Variants in CBR4 observed in about 807,000 individuals in gnomAD.
CBR4 encodes carbonyl reductase 4.
CBR4 carries 22 observed loss-of-function variants against 21.0 expected under a neutral mutation model. The ratio of observed to expected loss-of-function variants is 1.05; its 90% CI spans 0.75 to 1.50. The LOEUF (loss-of-function observed/expected upper bound fraction) is 1.50, where lower values mean the gene tolerates loss of function less well. CBR4 is among the 40% of genes most tolerant of loss of function. The pLI is 0.00. For synonymous variants in CBR4, 100 were observed against 104.4 expected, an observed-to-expected ratio of 0.96 and a Z score of 0.26; for missense variants, 302 against 286.3, an observed-to-expected ratio of 1.05 and a Z score of -0.40.
intron 4 of CBR4, among the ~76,000 whole-genome samples, chr4:168,996,827 C>T (rs902193948): frequency 2.0e-5 from 3 of 152,130 alleles, no homozygotes; most frequent in African/African-American, 7.2e-5. Context: ...TATGGAACTT[C>T]CATGTCATTT....
At chr4:168,992,324 G>A (rs1352199967) in intron 4 of CBR4, among the ~76,000 whole-genome samples, 1 of 152,188 alleles carries the variant, frequency 6.6e-6, no homozygotes, top group Non-Finnish European at 1.5e-5. Context: ...ACACATGGAT[G>A]TGATCACAAT....
intron 4 of CBR4, 26 bp from the exon 5 acceptor site, chr4:168,990,354 G>C (rs761197209): frequency 1.9e-6 from 3 of 1,551,254 alleles, no homozygotes; most frequent in Non-Finnish European, 2.6e-6. Flanking sequence ...TTGTTTAGTT[G>C]AAAAGGGTAC....
rs950004056 is a variant in CBR4 at position 168,987,736 on chromosome 4, C to T, written c.*2414G>A. 21 of 984,848 alleles carry T rather than the reference C, an allele frequency of 2.1e-5. No homozygotes were observed. The highest frequency in any genetic ancestry group is 6.0e-6 in the Non-Finnish European group (5 of 829,590). The allele number at this position is 984,848 out of a possible 1,614,324, so 61.0% of individuals were successfully genotyped here. A position where few individuals can be genotyped will look rare whatever the true frequency, so the allele number is the denominator to read the frequency against. ...TAAGGTACAACTCTTGAATATGCAG[C>T]GTAGTCTTCTCTCTTTATTCTGAAT... On this transcript the variant is annotated 3_prime_UTR_variant, in exon 5 of 5. Transcript: ENST00000306193.
chr4:168,934,282 CA>C (rs60538970), intron 2 of CBR4, among the ~76,000 whole-genome samples: 4 of 18,202 alleles, frequency 2.2e-4, no homozygotes, highest in Admixed American at 8.6e-4. Context: ...GCAAAAAAAA[CA>C]AAAAAAAAAA....
chr4:168,936,535 G>GA (rs1200924634), intron 2 of CBR4, among the ~76,000 whole-genome samples: 8 of 151,980 alleles, frequency 5.3e-5, no homozygotes, highest in South Asian at 4.1e-4. Context: ...TAAGAAGCTT[G>GA]AAAAAAGGTT....
chr4:168,930,247 T>C (rs1762934693), intron 2 of CBR4, among the ~76,000 whole-genome samples: 1 of 152,082 alleles, frequency 6.6e-6, no homozygotes, highest in Admixed American at 6.5e-5. Flanking sequence ...GAACATTATT[T>C]TGAGAAGGGA....
intron 1 of CBR4, among the ~76,000 whole-genome samples, chr4:169,008,528 T>C (rs1239038461): frequency 6.6e-6 from 1 of 152,092 alleles, no homozygotes; most frequent in Non-Finnish European, 1.5e-5. Flanking sequence ...ACACCAACAC[T>C]ACCCCATCAA....
rs114150784 is a variant in CBR4, at chr4:168,965,021, C to T, written n.169+37050G>A. ...ATATTTAGAAACCCCATCATCTCAG[C>T]CCCCAATCTCCTTAAGCTGACTTCA... On this transcript the variant is annotated intron_variant and non_coding_transcript_variant, in intron 2 of 3. Coordinates refer to the CBR4 transcript ENST00000509108. Among the ~76,000 whole-genome samples, 1,437 of 152,230 alleles carry T rather than the reference C, an allele frequency of 9.4e-3. 7 individuals are homozygous for T. The highest frequency in any genetic ancestry group is 0.016 in the Non-Finnish European group (1,066 of 68,006).
chr4:168,961,479 C>T (rs1278786379), intron 2 of CBR4, among the ~76,000 whole-genome samples: 1 of 151,944 alleles, frequency 6.6e-6, no homozygotes, highest in Non-Finnish European at 1.5e-5. Flanking sequence ...TGTGAAACCC[C>T]TAAAAATGTA....
At chr4:168,913,683 A>G (rs1759512449) in intron 2 of CBR4, among the ~76,000 whole-genome samples, 1 of 151,942 alleles carries the variant, frequency 6.6e-6, no homozygotes, top group African/African-American at 2.4e-5. Context: ...TAAAACAGTA[A>G]AGCTTATTTA....
intron 2 of CBR4, among the ~76,000 whole-genome samples, chr4:168,968,959 C>T (rs1764124859): frequency 6.6e-6 from 1 of 152,178 alleles, no homozygotes; most frequent in Non-Finnish European, 1.5e-5. Flanking sequence ...GGGAAAATGA[C>T]CACAGAGTAT....
chr4:169,008,629 C>CA (rs1731122412), intron 1 of CBR4, among the ~76,000 whole-genome samples: 1 of 152,174 alleles, frequency 6.6e-6, no homozygotes, highest in Admixed American at 6.5e-5. Context: ...ATGCAGGGCC[C>CA]AAAAGCATCC....
intron 3 of CBR4, chr4:169,005,289 G>A (rs1475566375): frequency 6.6e-6 from 1 of 152,184 alleles, no homozygotes; most frequent in Non-Finnish European, 1.5e-5. Context: ...CCTATTAACA[G>A]TAGTGTCACT....
chr4:168,927,249 T>C (rs1049974777), intron 2 of CBR4: 5 of 230,912 alleles, frequency 2.2e-5, no homozygotes, highest in African/African-American at 1.1e-4. Flanking sequence ...AGCATGATTA[T>C]AGTGTGTTCA....
At chr4:168,993,490 C>T (rs978831195) in intron 4 of CBR4, among the ~76,000 whole-genome samples, 9 of 152,242 alleles carry the variant, frequency 5.9e-5, no homozygotes, top group Admixed American at 4.6e-4. Context: ...GGATTACAGG[C>T]GTGAGCCACT....
chr4:168,965,137 G>A (rs578196258), intron 2 of CBR4, among the ~76,000 whole-genome samples: 1 of 152,180 alleles, frequency 6.6e-6, no homozygotes, highest in East Asian at 1.9e-4. Context: ...GCCAAATCAT[G>A]AGTGAACTCC....
intron 2 of CBR4, among the ~76,000 whole-genome samples, chr4:168,975,610 T>G (rs911776269): frequency 1.3e-5 from 2 of 152,018 alleles, no homozygotes; most frequent in Non-Finnish European, 2.9e-5. Context: ...CCAGGATGAG[T>G]ACTCAGGTTT....
downstream of CBR4, among the ~76,000 whole-genome samples, chr4:168,986,180 A>C (rs767697899): frequency 6.6e-6 from 1 of 152,260 alleles, no homozygotes; most frequent in Non-Finnish European, 1.5e-5. Context: ...AGATATTGTA[A>C]GTAATCTAGA....
At chr4:168,899,753 C>T (rs1756051703) in intron 2 of CBR4, among the ~76,000 whole-genome samples, 1 of 151,898 alleles carries the variant, frequency 6.6e-6, no homozygotes, top group Non-Finnish European at 1.5e-5. Flanking sequence ...CCCATCTCTA[C>T]TAAAAATACA....
Sources: allele counts gnomAD v4.1 joint callset (sites outside exome capture counted in the v4.1 genomes callset), GRCh38; gene constraint gnomAD v4.1.1; transcripts MANE v1.5; gene names NCBI Gene and HGNC (gene_info 2026-07-23, HGNC 2026-07-21).